The following SAMD4A variants were observed in gnomAD, a reference collection of about 807,000 sequenced individuals.
SAMD4A encodes the protein protein Smaug homolog 1.
A neutral mutation model predicts 81.3 loss-of-function variants in SAMD4A; 33 were observed. That is an observed-to-expected ratio of 0.41 (90% CI 0.31 to 0.54). The LOEUF (loss-of-function observed/expected upper bound fraction) is 0.54, where lower values mean the gene tolerates loss of function less well. Ranked by LOEUF, SAMD4A falls within the 20% of genes least tolerant of loss-of-function variation. SAMD4A has a pLI of 0.37. For missense variants in SAMD4A, 854 were observed against 951.1 expected, an observed-to-expected ratio of 0.90 and a Z score of 1.34; for synonymous variants, 389 against 382.1, an observed-to-expected ratio of 1.02 and a Z score of -0.21.
intron 2 of SAMD4A, among the ~76,000 whole-genome samples, chr14:54,685,280 C>CCG (rs1555343075): frequency 1.3e-5 from 2 of 148,498 alleles, no homozygotes; most frequent in South Asian, 4.3e-4. Flanking sequence ...TCCTGCCCCC[C>CCG]CCCCCAGCTC....
intron 2 of SAMD4A, among the ~76,000 whole-genome samples, chr14:54,605,716 TA>T (rs1343334337): frequency 6.6e-6 from 1 of 152,154 alleles, no homozygotes; most frequent in East Asian, 1.9e-4. Flanking sequence ...GGTATGTAAC[TA>T]TTGTAATTAA....
At chr14:54,708,796 G>A (rs2036918155) in intron 3 of SAMD4A, among the ~76,000 whole-genome samples, 1 of 152,128 alleles carries the variant, frequency 6.6e-6, no homozygotes. Flanking sequence ...ATCAAAGAGG[G>A]ATAACAGAGG....
At chr14:54,623,682 A>T (rs926774886) in intron 2 of SAMD4A, among the ~76,000 whole-genome samples, 4 of 152,104 alleles carry the variant, frequency 2.6e-5, no homozygotes, top group Non-Finnish European at 5.9e-5. Context: ...CGAGGGAAGG[A>T]TAGGTATCCA....
intron 6 of SAMD4A, among the ~76,000 whole-genome samples, chr14:54,755,648 G>C (rs905905297): frequency 6.6e-6 from 1 of 152,136 alleles, no homozygotes; most frequent in Admixed American, 6.5e-5. Context: ...CATGATGATA[G>C]GAGTTTTAGG....
chr14:54,635,878 C>T (rs1437944683), intron 2 of SAMD4A, among the ~76,000 whole-genome samples: 3 of 152,154 alleles, frequency 2.0e-5, no homozygotes, highest in Non-Finnish European at 4.4e-5. Context: ...TTATTCAATC[C>T]AGAAATAGTT....
chr14:54,750,120 T>A (rs1186423699), intron 5 of SAMD4A, among the ~76,000 whole-genome samples: 1 of 152,042 alleles, frequency 6.6e-6, no homozygotes, highest in Non-Finnish European at 1.5e-5. Context: ...TGTGTTTGGG[T>A]CAGAGTTGAG....
At chr14:54,745,865 T>C (rs2037956102) in intron 4 of SAMD4A, among the ~76,000 whole-genome samples, 1 of 152,242 alleles carries the variant, frequency 6.6e-6, no homozygotes, top group Non-Finnish European at 1.5e-5. Context: ...ACAGTTCTGC[T>C]TCTCCCTGTT....
chr14:54,591,194 G>T (rs2033764797), intron 2 of SAMD4A, among the ~76,000 whole-genome samples: 2 of 152,294 alleles, frequency 1.3e-5, no homozygotes, highest in Non-Finnish European at 2.9e-5. Context: ...AATGATGGTG[G>T]TGCCCCTAGT....
At position 54,713,366 on chromosome 14, in the gene SAMD4A, G is replaced by C. The variant is rs1056431251; in HGVS notation, c.715+10786G>C. On this transcript the variant is annotated intron_variant, in intron 3 of 12. Coordinates refer to ENST00000554335, the MANE Select transcript of SAMD4A (RefSeq NM_015589.6). Reference sequence around the variant, plus strand: ...CACCCCAGCTCTCAACATTCTATTAGGTAAAATACATTCTCAGGAAATCTC... The same window carrying C: ...CACCCCAGCTCTCAACATTCTATTACGTAAAATACATTCTCAGGAAATCTC... Among the ~76,000 whole-genome samples, 32 of 152,038 alleles carry C rather than the reference G, an allele frequency of 2.1e-4. 1 individual carries two copies. The highest frequency in any genetic ancestry group is 7.7e-4 in the African/African-American group (32 of 41,416).
At chr14:54,637,363 CT>C (rs1566560363) in intron 2 of SAMD4A, among the ~76,000 whole-genome samples, 1 of 46,064 alleles carries the variant, frequency 2.2e-5, no homozygotes, top group African/African-American at 1.2e-4. Context: ...GAAACTCCAT[CT>C]CAAAAAAAAA....
intron 3 of SAMD4A, among the ~76,000 whole-genome samples, chr14:54,732,636 A>C (rs1392730507): frequency 6.6e-6 from 1 of 152,186 alleles, no homozygotes; most frequent in Non-Finnish European, 1.5e-5. Flanking sequence ...TCTTTGACAA[A>C]TCTTTGTTAA....
intron 6 of SAMD4A, among the ~76,000 whole-genome samples, chr14:54,756,292 A>C (rs10139985): frequency 0.59 from 89,749 of 151,944 alleles, 27,751 homozygotes; most frequent in Non-Finnish European, 0.69. Flanking sequence ...AACTCCTTAG[A>C]AAGTTGGTTG....
intron 2 of SAMD4A, among the ~76,000 whole-genome samples, chr14:54,661,130 A>G (rs1206299720): frequency 1.3e-5 from 2 of 152,222 alleles, no homozygotes. Flanking sequence ...CTTATCTGTC[A>G]AGCAAGATCA....
chr14:54,687,895 G>A, intron 2 of SAMD4A: 6 of 959,210 alleles, frequency 6.3e-6, no homozygotes, highest in Non-Finnish European at 7.5e-6. Context: ...TCCCTGAATG[G>A]GGCTGGGCTG....
At chr14:54,669,445 CTT>C (rs11406251) in intron 2 of SAMD4A, among the ~76,000 whole-genome samples, 4 of 103,334 alleles carry the variant, frequency 3.9e-5, no homozygotes, top group Non-Finnish European at 5.6e-5. Context: ...ACGCTTCTTT[CTT>C]TTTTTTTTTT....
chr14:54,644,725 G>T (rs971860807), intron 2 of SAMD4A, among the ~76,000 whole-genome samples: 1 of 152,200 alleles, frequency 6.6e-6, no homozygotes, highest in Non-Finnish European at 1.5e-5. Context: ...AAGTTAGTAT[G>T]ATTCAGATCT....
chr14:54,578,088 C>G (rs908324291), intron 2 of SAMD4A, among the ~76,000 whole-genome samples: 10 of 152,182 alleles, frequency 6.6e-5, no homozygotes, highest in African/African-American at 2.4e-4. Flanking sequence ...CAGTTGTTTG[C>G]ATAACATGAC....
intron 8 of SAMD4A, among the ~76,000 whole-genome samples, chr14:54,767,217 G>A (rs2038571467): frequency 6.6e-6 from 1 of 152,190 alleles, no homozygotes; most frequent in Non-Finnish European, 1.5e-5. Flanking sequence ...TGCCTGTGAG[G>A]CCCCGTGAAG....
chr14:54,773,546 G>A (rs149841830), intron 9 of SAMD4A, among the ~76,000 whole-genome samples: 168 of 152,338 alleles, frequency 1.1e-3, no homozygotes, highest in African/African-American at 3.9e-3. Flanking sequence ...TGTCAGAGAG[G>A]ATGCGTTCTT....
Sources: allele counts gnomAD v4.1 joint callset (sites outside exome capture counted in the v4.1 genomes callset), GRCh38; gene constraint gnomAD v4.1.1; transcripts MANE v1.5; gene names NCBI Gene and HGNC (gene_info 2026-07-23, HGNC 2026-07-21).